The following BTF3L4 variants were observed in gnomAD, a reference collection of about 807,000 sequenced individuals.
BTF3L4 encodes the protein transcription factor BTF3 homolog 4.
In BTF3L4, 6 loss-of-function variants were observed where a neutral mutation model predicts 16.8. The observed-to-expected ratio is 0.36, with a 90% CI of 0.20 to 0.71. BTF3L4 has a LOEUF of 0.71. Ranked by LOEUF, BTF3L4 falls within the 30% of genes least tolerant of loss-of-function variation. The probability of loss-of-function intolerance (pLI) is 0.58; values close to 1 mark genes in which losing one functional copy is unlikely to be tolerated. For synonymous variants in BTF3L4, 39 were observed against 59.8 expected, an observed-to-expected ratio of 0.65 and a Z score of 1.60; for missense variants, 92 against 186.9, an observed-to-expected ratio of 0.49 and a Z score of 2.96.
At position 52,086,948 on chromosome 1, in the gene BTF3L4, T is replaced by C; in HGVS notation, c.*190T>C. Reference sequence around the variant, plus strand: ...GCATTTTGCACTTCCTCCCAGGATATTTTTTTGGTCAAAATATGAAGTATT... The same window carrying C: ...GCATTTTGCACTTCCTCCCAGGATACTTTTTTGGTCAAAATATGAAGTATT... On this transcript the variant is annotated 3_prime_UTR_variant, in exon 6 of 6. Transcript: ENST00000313334. 2.2e-6 allele frequency: 1 copy of C among 452,208 alleles called. No individual in the cohort carries two copies. The highest frequency in any genetic ancestry group is 4.0e-6 in the Non-Finnish European group (1 of 250,310). 28.0% of individuals were successfully genotyped at this position (452,208 alleles called of 1,614,324 possible).
At position 52,086,121 on chromosome 1, in the gene BTF3L4, G is replaced by A; in HGVS notation, c.380G>A (p.Ser127Asn). 6.2e-7 allele frequency: 1 copy of A among 1,609,250 alleles called. No homozygotes were observed. The highest frequency in any genetic ancestry group is 8.5e-7 in the Non-Finnish European group (1 of 1,177,718). The change falls in exon 5 of 6, where the codon AGT (serine) becomes AAT (asparagine). Residue 127 changes from serine (S) to asparagine (N), a missense_variant. Coordinates refer to ENST00000313334, the MANE Select transcript of BTF3L4 (RefSeq NM_152265.5). ...AATAAACTTTTTGTAGTCTTGGACA[G>A]TAAAGCACCAAAACCAGAAGACATT... ...AEQFPRQVLD[S>N]KAPKPEDIDE...
At position 52,080,762 on chromosome 1, in the gene BTF3L4, G is replaced by A. The variant is rs111399040; in HGVS notation, c.169-2578G>A. ...CTGGCCAGACTGGTCTCGAACTCCT[G>A]ATCTCAGGCAGTCCACCAGCCTCGG... On this transcript the variant is annotated intron_variant, in intron 3 of 5. Coordinates refer to ENST00000313334, the MANE Select transcript of BTF3L4 (RefSeq NM_152265.5). Among the ~76,000 whole-genome samples, 284 of 151,056 alleles carry A rather than the reference G, an allele frequency of 1.9e-3. 1 individual carries two copies. Among genetic ancestry groups the A allele is most frequent in the African/African-American group, 6.7e-3 (275 of 41,188 alleles).
Position 52,063,756 on chromosome 1 carries a change from C to G in BTF3L4, c.55-1069C>G, listed in dbSNP as rs564436582. On this transcript the variant is annotated intron_variant, in intron 2 of 5. Transcript: ENST00000313334. ...CAACCTGTTTGCTCAGGCCAAGATT[C>G]TAAGCATCATCCAAATGTCCTCTTT... is the stretch of plus-strand genomic sequence containing the variant. 7.9e-5 allele frequency among the ~76,000 whole-genome samples: 12 copies of G among 152,318 alleles called. No individual in the cohort carries two copies. The South Asian group carries it at 2.5e-3, about 32-fold the overall frequency.
At chr1:52,069,439 A>G (rs1464626773) in intron 3 of BTF3L4, among the ~76,000 whole-genome samples, 1 of 152,216 alleles carries the variant, frequency 6.6e-6, no homozygotes, top group Non-Finnish European at 1.5e-5. Context: ...TTAAATGTAT[A>G]CATGAAAATA....
intron 1 of BTF3L4, among the ~76,000 whole-genome samples, chr1:52,059,078 C>G (rs1010886519): frequency 6.6e-6 from 1 of 151,670 alleles, no homozygotes; most frequent in Non-Finnish European, 1.5e-5. Context: ...CTCTCTGCCC[C>G]CCCCCAACAT....
intron 3 of BTF3L4, chr1:52,071,187 G>A (rs550447409): frequency 6.6e-6 from 1 of 152,262 alleles, no homozygotes; most frequent in South Asian, 2.1e-4. Context: ...GGTAAGAAGT[G>A]TAACCAAAAA....
At position 52,088,212 on chromosome 1, in the gene BTF3L4, T is replaced by C. The variant is rs1346643338; in HGVS notation, c.*1454T>C. On this transcript the variant is annotated 3_prime_UTR_variant, in exon 6 of 6. Transcript: ENST00000313334. Reference sequence around the variant, plus strand: ...ACTTTTGTGTCAAGCTAGATATCTTTATTTGATATCTAAGGTGCAAGACCA... The same window carrying C: ...ACTTTTGTGTCAAGCTAGATATCTTCATTTGATATCTAAGGTGCAAGACCA... 1 of 152,634 alleles carries C rather than the reference T, an allele frequency of 6.6e-6. No homozygotes were observed. Among genetic ancestry groups the C allele is most frequent in the East Asian group, 1.9e-4 (1 of 5,196 alleles). 9.5% of individuals were successfully genotyped at this position (152,634 alleles called of 1,614,324 possible).
chr1:52,071,876 T>C (rs913030195), intron 3 of BTF3L4, among the ~76,000 whole-genome samples: 1 of 151,598 alleles, frequency 6.6e-6, no homozygotes, highest in Non-Finnish European at 1.5e-5. Flanking sequence ...TTCCATAGCA[T>C]CCTTCTTTCT....
At chr1:52,074,428 A>G (rs1289146813) in intron 3 of BTF3L4, among the ~76,000 whole-genome samples, 1 of 151,216 alleles carries the variant, frequency 6.6e-6, no homozygotes, top group Non-Finnish European at 1.5e-5. Context: ...CGGTGGGGCA[A>G]TCTCGGCTCA....
intron 3 of BTF3L4, among the ~76,000 whole-genome samples, chr1:52,070,055 A>G (rs1454976497): frequency 7.9e-5 from 12 of 152,114 alleles, no homozygotes. Context: ...TGTCTCTACT[A>G]AAAATACAGA....
chr1:52,087,086 G>A lies in BTF3L4; in HGVS notation c.*328G>A, dbSNP rs3015303. 0.065 allele frequency: 13,192 copies of A among 201,872 alleles called. 1,424 individuals are homozygous for A. The highest frequency in any genetic ancestry group is 0.24 in the African/African-American group (10,413 of 43,510). The allele number at this position is 201,872 out of a possible 1,614,324, so 12.5% of individuals were successfully genotyped here. ...GTGTGTGGGTATGTGTGTATACAGTGGAGAGCAAATTGGAAAACAGTTCTA... is the reference window on the plus strand; with the variant it reads ...GTGTGTGGGTATGTGTGTATACAGTAGAGAGCAAATTGGAAAACAGTTCTA... On this transcript the variant is annotated 3_prime_UTR_variant, in exon 6 of 6. Transcript: ENST00000313334.
chr1:52,059,802 G>A, intron 1 of BTF3L4, 33 bp from the exon 2 acceptor site: 1 of 1,603,346 alleles, frequency 6.2e-7, no homozygotes, highest in Non-Finnish European at 8.5e-7. Context: ...CGGCAAAAGA[G>A]TGACTTTAAC....
At chr1:52,077,428 G>A (rs1686961733) in intron 3 of BTF3L4, among the ~76,000 whole-genome samples, 1 of 152,138 alleles carries the variant, frequency 6.6e-6, no homozygotes, top group South Asian at 2.1e-4. Flanking sequence ...TGTAATCCCA[G>A]CTACTTGGGA....
intron 3 of BTF3L4, among the ~76,000 whole-genome samples, chr1:52,082,596 A>C (rs142092278): frequency 0.018 from 2,750 of 152,190 alleles, 46 homozygotes; most frequent in Non-Finnish European, 0.026. Context: ...TTAGCTGGGC[A>C]TAGTGGCATG....
intron 3 of BTF3L4, among the ~76,000 whole-genome samples, chr1:52,067,573 G>A (rs556155441): frequency 5.9e-5 from 9 of 152,136 alleles, no homozygotes; most frequent in Admixed American, 1.3e-4. Context: ...TTTAGAGACC[G>A]TTCTCTTAAT....
At chr1:52,073,082 C>T (rs901343853) in intron 3 of BTF3L4, among the ~76,000 whole-genome samples, 3 of 150,100 alleles carry the variant, frequency 2.0e-5, no homozygotes, top group Admixed American at 1.3e-4. Flanking sequence ...ATTGGCTGGG[C>T]GTGGTGGTGC....
At chr1:52,072,413 GTTCATCTCTAGAACTTTT>G (rs952665782) in intron 3 of BTF3L4, among the ~76,000 whole-genome samples, 1 of 151,530 alleles carries the variant, frequency 6.6e-6, no homozygotes, top group African/African-American at 2.4e-5. Flanking sequence ...CATCACTACT[GTTCATCTCTAGAACTTTT>G]TTCATTTCCC....
At chr1:52,073,092 C>T (rs912093921) in intron 3 of BTF3L4, among the ~76,000 whole-genome samples, 22 of 151,380 alleles carry the variant, frequency 1.5e-4, no homozygotes, top group South Asian at 6.3e-4. Context: ...CGTGGTGGTG[C>T]ACGCCTGTAA....
chr1:52,080,776 C>T (rs1643912913), intron 3 of BTF3L4, among the ~76,000 whole-genome samples: 1 of 151,358 alleles, frequency 6.6e-6, no homozygotes, highest in Admixed American at 6.6e-5. Context: ...TCAGGCAGTC[C>T]ACCAGCCTCG....
Sources: gnomAD v4.1 joint callset for allele counts (sites outside exome capture counted in the v4.1 genomes callset) on GRCh38, gnomAD v4.1.1 for gene constraint, MANE v1.5 for transcripts, NCBI Gene and HGNC (gene_info 2026-07-23, HGNC 2026-07-21) for gene names.